Variants in CCDC148 observed in about 807,000 individuals in gnomAD.
CCDC148 encodes the protein coiled-coil domain-containing protein 148.
A neutral mutation model predicts 85.7 loss-of-function variants in CCDC148; 89 were observed. That is an observed-to-expected ratio of 1.04 (90% confidence interval 0.87 to 1.24). CCDC148 has a LOEUF of 1.24. Among genes scored for constraint, CCDC148 ranks in the 50% most tolerant of loss-of-function variants. The probability of loss-of-function intolerance (pLI) is 0.00; values close to 1 mark genes in which losing one functional copy is unlikely to be tolerated. For synonymous variants in CCDC148, 230 were observed against 213.9 expected, an observed-to-expected ratio of 1.08 and a Z score of -0.66; for missense variants, 692 against 671.7, an observed-to-expected ratio of 1.03 and a Z score of -0.33.
chr2:158,270,221 G>T (rs1390345561), intron 9 of CCDC148, among the ~76,000 whole-genome samples: 1 of 152,128 alleles, frequency 6.6e-6, no homozygotes, highest in African/African-American at 2.4e-5. Context: ...AAAGTCATTT[G>T]TAAATTGGCA....
chr2:158,430,066 G>A (rs1056632613), intron 1 of CCDC148, among the ~76,000 whole-genome samples: 2 of 152,196 alleles, frequency 1.3e-5, no homozygotes, highest in Non-Finnish European at 2.9e-5. Context: ...ACTGAGAGGT[G>A]TGTGCGGAGA....
At chr2:158,347,417 C>T (rs1338425859) in intron 2 of CCDC148, among the ~76,000 whole-genome samples, 1 of 151,704 alleles carries the variant, frequency 6.6e-6, no homozygotes, top group Middle Eastern at 3.4e-3. Context: ...TAAATTCACT[C>T]ATTGATTCCA....
intron 1 of CCDC148, among the ~76,000 whole-genome samples, chr2:158,405,808 T>C (rs1215728601): frequency 6.6e-6 from 1 of 152,182 alleles, no homozygotes; most frequent in African/African-American, 2.4e-5. Flanking sequence ...TATTGGATAG[T>C]ACATTCATTG....
chr2:158,295,927 G>A (rs1691166553), intron 9 of CCDC148, among the ~76,000 whole-genome samples: 1 of 152,132 alleles, frequency 6.6e-6, no homozygotes, highest in Non-Finnish European at 1.5e-5. Flanking sequence ...AAAAGAGGAA[G>A]TCAAATTGTC....
intron 11 of CCDC148, among the ~76,000 whole-genome samples, chr2:158,202,358 A>G (rs545005863): frequency 6.6e-6 from 1 of 152,342 alleles, no homozygotes; most frequent in East Asian, 1.9e-4. Flanking sequence ...GGCAGAAAGG[A>G]ATGCAATCAG....
At chr2:158,444,318 C>G (rs1688069208) in intron 1 of CCDC148, among the ~76,000 whole-genome samples, 2 of 151,884 alleles carry the variant, frequency 1.3e-5, no homozygotes, top group South Asian at 4.2e-4. Context: ...GTTATTGGGC[C>G]AGTATTAATA....
At chr2:158,412,483 T>C (rs1686303887) in intron 1 of CCDC148, among the ~76,000 whole-genome samples, 1 of 152,154 alleles carries the variant, frequency 6.6e-6, no homozygotes. Flanking sequence ...GCTTGTATTC[T>C]AAAAATGAAA....
At chr2:158,215,266 C>A (rs1024920780) in intron 11 of CCDC148, among the ~76,000 whole-genome samples, 1 of 152,078 alleles carries the variant, frequency 6.6e-6, no homozygotes, top group African/African-American at 2.4e-5. Context: ...TTCCAGATGG[C>A]TACAGAACTA....
intron 1 of CCDC148, among the ~76,000 whole-genome samples, chr2:158,436,455 T>C (rs181175139): frequency 0.047 from 7,109 of 152,126 alleles, 243 homozygotes; most frequent in Non-Finnish European, 0.063. Flanking sequence ...CATACCAGAA[T>C]CTCTGGGACA....
intron 9 of CCDC148, among the ~76,000 whole-genome samples, chr2:158,286,222 T>C (rs1056674625): frequency 1.3e-5 from 2 of 152,134 alleles, no homozygotes; most frequent in African/African-American, 2.4e-5. Context: ...TATGTAGAAA[T>C]GAATCTGGCA....
At chr2:158,339,924 C>T (rs183265898) in intron 5 of CCDC148, among the ~76,000 whole-genome samples, 14 of 152,228 alleles carry the variant, frequency 9.2e-5, no homozygotes, top group Non-Finnish European at 1.9e-4. Flanking sequence ...TAGGGAATTT[C>T]AGCAACAGAT....
At chr2:158,179,592 C>G (rs556816605) in intron 11 of CCDC148, among the ~76,000 whole-genome samples, 104 of 152,168 alleles carry the variant, frequency 6.8e-4, no homozygotes, top group African/African-American at 2.3e-3. Context: ...GTGACTGGCT[C>G]ACTTTCAAGT....
At chr2:158,235,218 C>T (rs946660671) in intron 10 of CCDC148, among the ~76,000 whole-genome samples, 1 of 152,092 alleles carries the variant, frequency 6.6e-6, no homozygotes, top group Admixed American at 6.6e-5. Context: ...TAATGTCTGG[C>T]CAAGGAAATT....
In CCDC148 at chr2:158,185,624, G is replaced by T. The variant is rs16842713; in HGVS notation, c.1371-6628C>A. On this transcript the variant is annotated intron_variant, in intron 11 of 13. Coordinates refer to ENST00000283233, the MANE Select transcript of CCDC148 (RefSeq NM_138803.4). ...CAATCTGGGAGTCCCATGTTGAAAG[G>T]AGGACAAGCTGTGAAGAGAGAGACA... Among the ~76,000 whole-genome samples the T allele has an allele frequency of 2.6e-3, 398 of 152,242 alleles. 1 individual carries two copies. Among genetic ancestry groups the T allele is most frequent in the African/African-American group, 9.0e-3 (373 of 41,570 alleles).
Position 158,387,222 on chromosome 2 carries a change from A to G in CCDC148, c.26-28652T>C, listed in dbSNP as rs1194238910. Among the ~76,000 whole-genome samples, 3 of 152,176 alleles carry G rather than the reference A, an allele frequency of 2.0e-5. No individual in the cohort carries two copies. In the East Asian group the frequency reaches 5.8e-4, roughly 29 times the overall value. Reference sequence around the variant, plus strand: ...ACTAGATGTGTTCATGGCCACTGAGATGTCACTACTTCTAGGCTCACCCAG... The same window carrying G: ...ACTAGATGTGTTCATGGCCACTGAGGTGTCACTACTTCTAGGCTCACCCAG... On this transcript the variant is annotated intron_variant, in intron 1 of 13. Coordinates refer to ENST00000283233, the MANE Select transcript of CCDC148 (RefSeq NM_138803.4).
intron 1 of CCDC148, among the ~76,000 whole-genome samples, chr2:158,390,615 T>C (rs1685263671): frequency 6.6e-6 from 1 of 152,138 alleles, no homozygotes; most frequent in Non-Finnish European, 1.5e-5. Flanking sequence ...ATCTAAGACA[T>C]ACCAAAGCTT....
chr2:158,239,734 C>A (rs1011423999), intron 10 of CCDC148, among the ~76,000 whole-genome samples: 13 of 152,058 alleles, frequency 8.5e-5, no homozygotes, highest in African/African-American at 3.1e-4. Context: ...TACTTAATTT[C>A]TTCACACATA....
At chr2:158,246,152 C>T (rs111294820) in intron 10 of CCDC148, among the ~76,000 whole-genome samples, 1 of 152,236 alleles carries the variant, frequency 6.6e-6, no homozygotes, top group Non-Finnish European at 1.5e-5. Flanking sequence ...CACAGTTTCT[C>T]TGCCTCTACT....
At chr2:158,424,996 C>T (rs1187735632) in intron 1 of CCDC148, 1 of 381,988 alleles carries the variant, frequency 2.6e-6, no homozygotes, top group Non-Finnish European at 5.2e-6. Flanking sequence ...GAAGCTGCAA[C>T]ACCAAAACAA....
Sources: gnomAD v4.1 joint callset for allele counts (sites outside exome capture counted in the v4.1 genomes callset) on GRCh38, gnomAD v4.1.1 for gene constraint, MANE v1.5 for transcripts, NCBI Gene and HGNC (gene_info 2026-07-23, HGNC 2026-07-21) for gene names.